LPA: variants seen among roughly 807,000 people sequenced by gnomAD.
LPA encodes the protein apolipoprotein(a).
Under a neutral mutation model 197.9 loss-of-function variants are expected in LPA, and 199 were observed. The observed-to-expected ratio is 1.01, with a 90% CI of 0.90 to 1.13. The LOEUF (loss-of-function observed/expected upper bound fraction) is 1.13, where lower values mean the gene tolerates loss of function less well. Among genes scored for constraint, LPA ranks in the 50% most tolerant of loss-of-function variants. LPA has a pLI of 0.00. For synonymous variants in LPA, 715 were observed against 639.5 expected, an observed-to-expected ratio of 1.12 and a Z score of -1.78; for missense variants, 1,853 against 1,785.8, an observed-to-expected ratio of 1.04 and a Z score of -0.68.
intron 28 of LPA, among the ~76,000 whole-genome samples, chr6:160,569,206 G>T (rs1583585147): frequency 6.6e-6 from 1 of 152,188 alleles, no homozygotes; most frequent in Non-Finnish European, 1.5e-5. Flanking sequence ...AAAGCTGGAG[G>T]CATCACTCTG....
chr6:160,563,551 G>T (rs1778397718), intron 28 of LPA, among the ~76,000 whole-genome samples: 1 of 152,210 alleles, frequency 6.6e-6, no homozygotes. Context: ...CTGTTGATTT[G>T]TGGTGTCGAG....
rs1174860010 is a variant in LPA at position 160,595,413 on chromosome 6, C to A, written c.3410G>T (p.Ser1137Ile). Residue 1137 changes from serine to isoleucine, a missense_variant, in exon 21 of 39, where the codon AGT becomes ATT. Physicochemically the swap from Ser to Ile is moderately radical, Grantham distance 142 (BLOSUM62 -2). Around this residue, in one of 3 missense-constraint regions of LPA, gnomAD observed 1,737 missense variants for 1,504.4 expected, o/e 1.15. Transcript: ENST00000316300. Reference sequence around the variant, plus strand: ...GACCACCGTGAGAGTTGCAAGGACACTTGATTCTGTCACCAGGCATTGTGT... The same window carrying A: ...GACCACCGTGAGAGTTGCAAGGACAATTGATTCTGTCACCAGGCATTGTGT... ...NLTQCLVTESSVLATLTVVPD... is the reference protein window; with the variant it reads ...NLTQCLVTESIVLATLTVVPD... The A allele has an allele frequency of 6.2e-7, 1 of 1,613,968 alleles. No individual in the cohort carries two copies.
chr6:160,606,088 C>A (rs2115060477), intron 17 of LPA, among the ~76,000 whole-genome samples: 1 of 152,290 alleles, frequency 6.6e-6, no homozygotes, highest in South Asian at 2.1e-4. Flanking sequence ...TCTGAATCTG[C>A]AATGCTGAAG....
chr6:160,576,320 A>ATG (rs530223802), intron 28 of LPA, among the ~76,000 whole-genome samples: 808 of 58,948 alleles, frequency 0.014, 9 homozygotes, highest in South Asian at 0.033. Flanking sequence ...ACCTGTATGT[A>ATG]TGTGTGTGTG....
rs7750595 is a variant in LPA, at chr6:160,568,404, T to C, written c.4631+8732A>G. 1.2e-3 allele frequency among the ~76,000 whole-genome samples: 178 copies of C among 152,308 alleles called. 2 individuals carry two copies. Among genetic ancestry groups the C allele is most frequent in the African/African-American group, 3.8e-3 (160 of 41,562 alleles). On this transcript the variant is annotated intron_variant, in intron 28 of 38. Coordinates refer to ENST00000316300, the MANE Select transcript of LPA (RefSeq NM_005577.4). Reference sequence around the variant, plus strand: ...GACAAAAACCACATGATTATCTCAATAGATGCAGAAAAGGCCTTTGACAAA... The same window carrying C: ...GACAAAAACCACATGATTATCTCAACAGATGCAGAAAAGGCCTTTGACAAA...
At chr6:160,568,082 T>C (rs1778492023) in intron 28 of LPA, among the ~76,000 whole-genome samples, 1 of 152,194 alleles carries the variant, frequency 6.6e-6, no homozygotes, top group Non-Finnish European at 1.5e-5. Flanking sequence ...CTGGTACCAA[T>C]TCTTCTGAAA....
chr6:160,560,724 C>T (rs570390356), intron 28 of LPA, among the ~76,000 whole-genome samples: 37 of 151,804 alleles, frequency 2.4e-4, no homozygotes, highest in Admixed American at 4.6e-4. Context: ...GAATTTTTCT[C>T]CATAGGTTGC....
At chr6:160,569,285 T>G (rs1462320114) in intron 28 of LPA, among the ~76,000 whole-genome samples, 1 of 152,068 alleles carries the variant, frequency 6.6e-6, no homozygotes, top group Non-Finnish European at 1.5e-5. Context: ...AAAACAGAGA[T>G]ATAGACCAAT....
At chr6:160,647,505 A>T (rs1378449055) in intron 2 of LPA, among the ~76,000 whole-genome samples, 2 of 152,176 alleles carry the variant, frequency 1.3e-5, no homozygotes, top group African/African-American at 2.4e-5. Context: ...CAGGAAGCTC[A>T]TTCAATGAGC....
At position 160,577,256 on chromosome 6, in the gene LPA, T is replaced by C; in HGVS notation, c.4511A>G (p.His1504Arg). The C allele has an allele frequency of 6.2e-7, 1 of 1,613,900 alleles. No individual in the cohort carries two copies. Among genetic ancestry groups the C allele is most frequent in the Non-Finnish European group, 8.5e-7 (1 of 1,179,832 alleles). Residue 1504 changes from histidine to arginine, a missense_variant, in exon 28 of 39, where the codon CAT becomes CGT. Coordinates refer to ENST00000316300, the MANE Select transcript of LPA (RefSeq NM_005577.4). The part of the protein sequence containing the change: ...EKSPVVQDCY[H>R]GDGRSYRGIS... ...GCCTCGATAACTCCGTCCATCACCATGGTAGCAATCCTGGACCACAGGGCT... is the reference window on the plus strand; with the variant it reads ...GCCTCGATAACTCCGTCCATCACCACGGTAGCAATCCTGGACCACAGGGCT...
chr6:160,606,418 T>G, intron 17 of LPA, 59 bp downstream of exon 17: 2 of 1,594,058 alleles, frequency 1.3e-6, no homozygotes, highest in Non-Finnish European at 1.7e-6. Context: ...CAGTGGGAAT[T>G]TCCATGGCTT....
chr6:160,534,732 C>T (rs1476389267), intron 37 of LPA, among the ~76,000 whole-genome samples: 1 of 152,070 alleles, frequency 6.6e-6, no homozygotes, highest in East Asian at 1.9e-4. Flanking sequence ...TCTGAAAATC[C>T]TTTTCTCAGT....
At chr6:160,658,237 C>T (rs1482821159) in intron 1 of LPA, among the ~76,000 whole-genome samples, 7 of 152,198 alleles carry the variant, frequency 4.6e-5, no homozygotes, top group Non-Finnish European at 1.0e-4. Context: ...TTCTCCCACA[C>T]ATCCCCACTC....
At chr6:160,534,435 C>G (rs1777854433) in intron 37 of LPA, among the ~76,000 whole-genome samples, 1 of 152,150 alleles carries the variant, frequency 6.6e-6, no homozygotes, top group Admixed American at 6.5e-5. Context: ...CACAGGTAAC[C>G]TGAGGATTGA....
intron 16 of LPA, among the ~76,000 whole-genome samples, chr6:160,610,320 C>T (rs1779465806): frequency 6.6e-6 from 1 of 152,106 alleles, no homozygotes; most frequent in South Asian, 2.1e-4. Context: ...TGGACACTTG[C>T]TTTTCAGCTG....
Position 160,547,747 on chromosome 6 carries a change from T to G in LPA, c.5304+42A>C, listed in dbSNP as rs763925421. The G allele has an allele frequency of 8.7e-6, 14 of 1,613,540 alleles. No individual in the cohort carries two copies. In the East Asian group the frequency reaches 2.0e-4, roughly 23 times the overall value. ...CTGCCCCTCTTCTGTTTGAAAAGAT[T>G]TGTCAGCAAAGGGAAAAAGAGTCCA... On this transcript the variant is annotated intron_variant, in intron 32 of 38. Coordinates refer to ENST00000316300, the MANE Select transcript of LPA (RefSeq NM_005577.4).
chr6:160,655,996 G>T (rs1780125386), intron 1 of LPA, among the ~76,000 whole-genome samples: 1 of 152,290 alleles, frequency 6.6e-6, no homozygotes, highest in South Asian at 2.1e-4. Flanking sequence ...AAAGCCACTT[G>T]CCAAGCCAAT....
chr6:160,592,470 A>C (rs1418221392), intron 22 of LPA, among the ~76,000 whole-genome samples: 1 of 152,170 alleles, frequency 6.6e-6, no homozygotes, highest in Non-Finnish European at 1.5e-5. Context: ...CCTGAAACAC[A>C]GTTCTCAGAG....
intron 23 of LPA, 63 bp from the exon 24 acceptor site, chr6:160,589,775 A>G: frequency 6.3e-7 from 1 of 1,588,876 alleles, no homozygotes. Flanking sequence ...ATGAGAAAAA[A>G]AATCCATGAT....
Sources: allele counts gnomAD v4.1 joint callset (sites outside exome capture counted in the v4.1 genomes callset), GRCh38; gene constraint gnomAD v4.1.1; regional missense constraint gnomAD v4.1.1; transcripts MANE v1.5; gene names NCBI Gene and HGNC (gene_info 2026-07-23, HGNC 2026-07-21).